SSBP2: variants seen among roughly 807,000 people sequenced by gnomAD.
The protein encoded by SSBP2 is single stranded DNA binding protein 2, also known as single-stranded DNA-binding protein 2.
SSBP2 carries 17 observed loss-of-function variants against 61.8 expected under a neutral mutation model. That is an observed-to-expected ratio of 0.28 (90% CI 0.19 to 0.41). SSBP2 has a LOEUF of 0.41. Among genes scored for constraint, SSBP2 ranks in the 10% least tolerant of loss-of-function variants. The probability of loss-of-function intolerance (pLI) is 1.00; values close to 1 mark genes in which losing one functional copy is unlikely to be tolerated. For synonymous variants in SSBP2, 139 were observed against 141.3 expected (o/e 0.98, Z 0.12); for missense variants, 310 against 458.7 (o/e 0.68, Z 2.96).
At chr5:81,480,182 A>G (rs1765878962) in intron 6 of SSBP2, among the ~76,000 whole-genome samples, 1 of 152,244 alleles carries the variant, frequency 6.6e-6, no homozygotes, top group Admixed American at 6.5e-5. Context: ...TGCCTGCTTC[A>G]TAAAAGAATT....
intron 1 of SSBP2, among the ~76,000 whole-genome samples, chr5:81,660,170 G>A (rs754367285): frequency 3.3e-5 from 5 of 151,972 alleles, no homozygotes; most frequent in African/African-American, 4.8e-5. Context: ...TAGACAAATG[G>A]GATCTAATTA....
At chr5:81,521,833 A>AT (rs1426196961) in intron 4 of SSBP2, among the ~76,000 whole-genome samples, 1 of 151,882 alleles carries the variant, frequency 6.6e-6, no homozygotes, top group Admixed American at 6.6e-5. Flanking sequence ...CACAAGGGTC[A>AT]TTTTTTGCAA....
chr5:81,602,479 G>A (rs1744461668), intron 4 of SSBP2, among the ~76,000 whole-genome samples: 1 of 152,124 alleles, frequency 6.6e-6, no homozygotes, highest in Admixed American at 6.5e-5. Flanking sequence ...TAGGAGGCAT[G>A]ACCTAAAGAT....
chr5:81,494,282 C>A (rs1767126937), intron 5 of SSBP2, among the ~76,000 whole-genome samples: 3 of 152,136 alleles, frequency 2.0e-5, no homozygotes, highest in East Asian at 1.9e-4. Context: ...AGCTTATTTA[C>A]TTTATAAGAG....
chr5:81,546,872 A>C (rs542805736), intron 4 of SSBP2, among the ~76,000 whole-genome samples: 8 of 152,080 alleles, frequency 5.3e-5, no homozygotes, highest in African/African-American at 1.9e-4. Context: ...AAAATGTTAC[A>C]ATATGTTCCA....
intron 2 of SSBP2, among the ~76,000 whole-genome samples, chr5:81,646,226 C>A (rs1319157353): frequency 6.6e-6 from 1 of 152,146 alleles, no homozygotes; most frequent in Admixed American, 6.6e-5. Flanking sequence ...CATCACGGTC[C>A]TTCTTAGCCT....
At chr5:81,551,075 G>A (rs1772144256) in intron 4 of SSBP2, among the ~76,000 whole-genome samples, 1 of 122,356 alleles carries the variant, frequency 8.2e-6, no homozygotes. Flanking sequence ...CACCCTGGGT[G>A]ACAGAACGAG....
At chr5:81,470,823 A>C (rs1561438914) in intron 8 of SSBP2, among the ~76,000 whole-genome samples, 1 of 151,880 alleles carries the variant, frequency 6.6e-6, no homozygotes, top group East Asian at 1.9e-4. Context: ...TTTTTCCATT[A>C]TCTCTCAAGA....
chr5:81,510,636 C>A (rs1188488350), intron 5 of SSBP2, among the ~76,000 whole-genome samples: 2 of 152,050 alleles, frequency 1.3e-5, no homozygotes, highest in African/African-American at 2.4e-5. Context: ...TGGCACATGC[C>A]TGTAATCCCA....
chr5:81,691,292 T>C (rs887389917), intron 1 of SSBP2, among the ~76,000 whole-genome samples: 18 of 151,424 alleles, frequency 1.2e-4, no homozygotes, highest in African/African-American at 4.4e-4. Context: ...TTTCCAAAGA[T>C]AAACAAAATC....
intron 5 of SSBP2, among the ~76,000 whole-genome samples, chr5:81,493,446 C>A (rs888609738): frequency 4.0e-5 from 6 of 151,782 alleles, no homozygotes; most frequent in African/African-American, 1.4e-4. Flanking sequence ...CACAACACCA[C>A]ACCTGGGTAT....
At chr5:81,680,331 T>C (rs1308801384) in intron 1 of SSBP2, among the ~76,000 whole-genome samples, 1 of 147,438 alleles carries the variant, frequency 6.8e-6, no homozygotes, top group East Asian at 1.9e-4. Context: ...TTATAATATA[T>C]AATTTATTAT....
At chr5:81,666,808 A>G (rs1283915617) in intron 1 of SSBP2, among the ~76,000 whole-genome samples, 4 of 152,164 alleles carry the variant, frequency 2.6e-5, no homozygotes, top group Non-Finnish European at 5.9e-5. Context: ...ACAGATTGTC[A>G]TAATCTTTAC....
intron 12 of SSBP2, among the ~76,000 whole-genome samples, chr5:81,444,045 G>T (rs1763213186): frequency 6.6e-6 from 1 of 152,140 alleles, no homozygotes; most frequent in African/African-American, 2.4e-5. Context: ...TTACAGAGTA[G>T]ATCTCATGTC....
chr5:81,703,189 A>T (rs1754113347), intron 1 of SSBP2, among the ~76,000 whole-genome samples: 1 of 152,232 alleles, frequency 6.6e-6, no homozygotes, highest in South Asian at 2.1e-4. Flanking sequence ...GCCTTTTCTA[A>T]TTAATTAAAT....
At position 81,488,050 on chromosome 5, in the gene SSBP2, TATATATATAA is replaced by T. The variant is rs1258960286; in HGVS notation, c.432+1190_432+1199del. Among the ~76,000 whole-genome samples the T allele has an allele frequency of 2.8e-4, 15 of 52,646 alleles. 2 individuals carry two copies. In the South Asian group the frequency reaches 5.6e-3, roughly 20 times the overall value. 34.5% of individuals were successfully genotyped at this position (52,646 alleles called of 152,430 possible). A position where few individuals can be genotyped will look rare whatever the true frequency, so the allele number is the denominator to read the frequency against. On this transcript the variant is annotated intron_variant, in intron 6 of 16. Transcript: ENST00000320672. The stretch of plus-strand genomic sequence containing the variant: ...ATATATATATATATATATATATATA[TATATATATAA>T]ATAAAATATCATATATTATATATAT...
chr5:81,437,590 G>GA, intron 14 of SSBP2, 132 bp from the exon 15 acceptor site: 1 of 743,460 alleles, frequency 1.3e-6, no homozygotes, highest in Non-Finnish European at 2.1e-6. Flanking sequence ...TTTTAAATCT[G>GA]AAAAAATTCC....
At chr5:81,626,783 C>A (rs1747204884) in intron 3 of SSBP2, among the ~76,000 whole-genome samples, 1 of 152,018 alleles carries the variant, frequency 6.6e-6, no homozygotes, top group Non-Finnish European at 1.5e-5. Context: ...ATATACACTG[C>A]CTGGAATTAG....
At chr5:81,664,129 GT>G (rs71278675) in intron 1 of SSBP2, among the ~76,000 whole-genome samples, 22 of 141,578 alleles carry the variant, frequency 1.6e-4, no homozygotes, top group Admixed American at 3.5e-4. Context: ...TTTTGTTTTT[GT>G]TTTTTTTTTT....
Sources: allele counts gnomAD v4.1 joint callset (sites outside exome capture counted in the v4.1 genomes callset), GRCh38; gene constraint gnomAD v4.1.1; transcripts MANE v1.5; gene names NCBI Gene and HGNC (gene_info 2026-07-23, HGNC 2026-07-21).